The following IL1RAPL1 variants were observed in gnomAD, a reference collection of about 807,000 sequenced individuals.
The protein encoded by IL1RAPL1 is interleukin 1 receptor accessory protein like 1.
A neutral mutation model predicts 48.4 loss-of-function variants in IL1RAPL1; 3 were observed. That is an observed-to-expected ratio of 0.06 (90% CI 0.03 to 0.16). The LOEUF (loss-of-function observed/expected upper bound fraction) is 0.16, where lower values mean the gene tolerates loss of function less well. IL1RAPL1 is among the 10% of genes least tolerant of loss of function. The pLI, the probability that IL1RAPL1 is intolerant of heterozygous loss-of-function variation, is 1.00. For missense variants in IL1RAPL1, 349 were observed against 530.6 expected, an observed-to-expected ratio of 0.66 and a Z score of 3.36; for synonymous variants, 185 against 187.7, an observed-to-expected ratio of 0.99 and a Z score of 0.12.
At chrX:28,607,408 TA>T (rs1410749152) in intron 1 of IL1RAPL1, among the ~76,000 whole-genome samples, 1 of 111,623 alleles carries the variant, frequency 9.0e-6, no homozygotes, top group Non-Finnish European at 1.9e-5. Flanking sequence ...TGCCATTTTT[TA>T]AAATTGCTCT....
At chrX:29,618,428 T>C (rs1924357062) in intron 5 of IL1RAPL1, among the ~76,000 whole-genome samples, 1 of 112,430 alleles carries the variant, frequency 8.9e-6, no homozygotes, top group Admixed American at 9.4e-5. Flanking sequence ...ACACGTTTAA[T>C]TTTTTTCATG....
chrX:28,945,817 A>G (rs192810580), intron 2 of IL1RAPL1, among the ~76,000 whole-genome samples: 2 of 108,756 alleles, frequency 1.8e-5, no homozygotes, highest in Non-Finnish European at 3.8e-5. Flanking sequence ...TAATGAGGGT[A>G]TGTTTTTACC....
rs552544249 is a variant in IL1RAPL1 at position 29,306,142 on chromosome X, C to T, written c.362+22925C>T. On this transcript the variant is annotated intron_variant, in intron 3 of 10. Coordinates refer to ENST00000378993, the MANE Select transcript of IL1RAPL1 (RefSeq NM_014271.4). ...TTCAGATCCCCAGTGTCCATTACTA[C>T]CTACGTTGTAGTCTAATCTCTCATT... Among the ~76,000 whole-genome samples the T allele has an allele frequency of 6.3e-5, 7 of 111,977 alleles. No homozygotes were observed. In the South Asian group the frequency reaches 2.2e-3, roughly 36 times the overall value.
At chrX:28,909,011 G>C (rs1463730751) in intron 2 of IL1RAPL1, among the ~76,000 whole-genome samples, 1 of 110,759 alleles carries the variant, frequency 9.0e-6, no homozygotes, top group African/African-American at 3.3e-5. Flanking sequence ...TATTCCAGCT[G>C]TTTTTTTAAA....
At chrX:29,880,494 G>A (rs146209890) in intron 6 of IL1RAPL1, among the ~76,000 whole-genome samples, 1,155 of 111,548 alleles carry the variant, frequency 0.01, 12 homozygotes, top group African/African-American at 0.034. Flanking sequence ...ACAATAAAAC[G>A]AGGTATTCAA....
At chrX:29,897,658 T>C (rs922758271) in intron 6 of IL1RAPL1, among the ~76,000 whole-genome samples, 14 of 112,134 alleles carry the variant, frequency 1.2e-4, no homozygotes, top group African/African-American at 4.2e-4. Flanking sequence ...TTCATTTGTG[T>C]TGGGGAAGCT....
At chrX:28,836,396 CAGAG>C (rs1186556525) in intron 2 of IL1RAPL1, among the ~76,000 whole-genome samples, 34 of 97,297 alleles carry the variant, frequency 3.5e-4, no homozygotes, top group African/African-American at 1.0e-3. Context: ...GACAGACAGA[CAGAG>C]AGAGAGAGTC....
intron 6 of IL1RAPL1, among the ~76,000 whole-genome samples, chrX:29,800,197 C>A (rs771618348): frequency 9.0e-6 from 1 of 111,170 alleles, no homozygotes; most frequent in African/African-American, 3.3e-5. Context: ...TTGTAGGGTC[C>A]TGATGAACAA....
chrX:29,828,265 A>G (rs1240699361), intron 6 of IL1RAPL1, among the ~76,000 whole-genome samples: 1 of 111,792 alleles, frequency 8.9e-6, no homozygotes, highest in Non-Finnish European at 1.9e-5. Context: ...TGTGAATTAG[A>G]TTAGGAGACA....
At chrX:28,804,724 C>G (rs911660569) in intron 2 of IL1RAPL1, among the ~76,000 whole-genome samples, 1 of 111,590 alleles carries the variant, frequency 9.0e-6, no homozygotes, top group Non-Finnish European at 1.9e-5. Flanking sequence ...AGAATGATCT[C>G]TCCATCTCAT....
At chrX:28,915,059 G>A (rs1923453514) in intron 2 of IL1RAPL1, among the ~76,000 whole-genome samples, 1 of 111,679 alleles carries the variant, frequency 9.0e-6, no homozygotes, top group South Asian at 3.7e-4. Context: ...GGGGTTGAAA[G>A]TGTTCCACCT....
intron 6 of IL1RAPL1, among the ~76,000 whole-genome samples, chrX:29,719,313 T>C (rs867464962): frequency 8.9e-6 from 1 of 111,879 alleles, no homozygotes; most frequent in Non-Finnish European, 1.9e-5. Context: ...ATAAAAGTTA[T>C]GTTATGGGAA....
At chrX:29,504,436 A>G in intron 5 of IL1RAPL1, among the ~76,000 whole-genome samples, 1 of 111,856 alleles carries the variant, frequency 8.9e-6, no homozygotes, top group African/African-American at 3.3e-5. Flanking sequence ...TGAAGTGTTG[A>G]ATCCCATACT....
chrX:28,923,276 A>G (rs1461499403), intron 2 of IL1RAPL1, among the ~76,000 whole-genome samples: 1 of 110,171 alleles, frequency 9.1e-6, no homozygotes, highest in Non-Finnish European at 1.9e-5. Context: ...TCCCGGGTTC[A>G]AGCGATTCTC....
intron 1 of IL1RAPL1, among the ~76,000 whole-genome samples, chrX:28,741,503 T>C (rs755929102): frequency 1.2e-4 from 14 of 112,384 alleles, no homozygotes; most frequent in Non-Finnish European, 2.6e-4. Context: ...GTCTGTTTAC[T>C]CTGTTTATAG....
intron 5 of IL1RAPL1, among the ~76,000 whole-genome samples, chrX:29,585,284 A>G (rs1438807607): frequency 8.9e-6 from 1 of 112,099 alleles, no homozygotes; most frequent in Non-Finnish European, 1.9e-5. Flanking sequence ...AAGTGGAACA[A>G]TTCATTATTT....
chrX:29,282,776 A>G (rs1430252194), intron 2 of IL1RAPL1, among the ~76,000 whole-genome samples, 162 bp from the exon 3 acceptor site: 1 of 112,349 alleles, frequency 8.9e-6, no homozygotes, highest in East Asian at 2.8e-4. Flanking sequence ...TTGCAGGGCC[A>G]TTCTCAGTTT....
At chrX:29,243,071 G>A (rs754176055) in intron 2 of IL1RAPL1, among the ~76,000 whole-genome samples, 4 of 112,021 alleles carry the variant, frequency 3.6e-5, no homozygotes, top group African/African-American at 9.7e-5. Flanking sequence ...TCCCCGGGGG[G>A]TTTATTATCT....
At chrX:29,002,850 A>G (rs960711306) in intron 2 of IL1RAPL1, among the ~76,000 whole-genome samples, 1 of 110,744 alleles carries the variant, frequency 9.0e-6, no homozygotes, top group African/African-American at 3.3e-5. Context: ...AAATACAAAC[A>G]TAAGCTGCTT....
Sources: allele counts gnomAD v4.1 joint callset (sites outside exome capture counted in the v4.1 genomes callset), GRCh38; gene constraint gnomAD v4.1.1; transcripts MANE v1.5; gene names NCBI Gene and HGNC (gene_info 2026-07-23, HGNC 2026-07-21).